BAHD1: variants seen among roughly 807,000 people sequenced by gnomAD.
BAHD1 encodes the protein bromo adjacent homology domain-containing 1 protein.
BAHD1 carries 20 observed loss-of-function variants against 63.1 expected under a neutral mutation model. The observed-to-expected ratio is 0.32, with a 90% CI of 0.22 to 0.46. BAHD1 has a LOEUF of 0.46. Among genes scored for constraint, BAHD1 ranks in the 20% least tolerant of loss-of-function variants. The pLI, the probability that BAHD1 is intolerant of heterozygous loss-of-function variation, is 1.00. For synonymous variants in BAHD1, 408 were observed against 426.8 expected (o/e 0.96, Z 0.54); for missense variants, 939 against 1,071.8 (o/e 0.88, Z 1.73).
chr15:40,458,447 G>A lies in BAHD1; in HGVS notation c.-14-4G>A. The A allele has an allele frequency of 6.5e-7, 1 of 1,548,822 alleles. No individual in the cohort carries two copies. Among genetic ancestry groups the A allele is most frequent in the Non-Finnish European group, 8.7e-7 (1 of 1,144,594 alleles). ...TCTCTCATTGCCCACCTTCTGTCCT[G>A]CAGGTTGGAAGTACTCCATGACACA... On this transcript the variant is annotated splice_region_variant and splice_polypyrimidine_tract_variant and intron_variant, in intron 1 of 6. Transcript: ENST00000416165. This position sits in a 1 kb window ranked among gnomAD's most constrained non-coding sequence, Gnocchi z 4.7.
chr15:40,445,239 A>G (rs1208525722), intron 1 of BAHD1, among the ~76,000 whole-genome samples: 2 of 146,224 alleles, frequency 1.4e-5, no homozygotes, highest in African/African-American at 2.5e-5. Context: ...TAAAAACTAG[A>G]GAGAGCTCCT....
upstream of BAHD1, among the ~76,000 whole-genome samples, chr15:40,437,903 C>T (rs1056728384): frequency 6.6e-6 from 1 of 152,144 alleles, no homozygotes. Context: ...GCCGCGTGGT[C>T]TCTCTGGCCC....
At chr15:40,465,895 T>C (rs1894185850) in intron 6 of BAHD1, 46 bp from the exon 7 acceptor site, 2 of 1,525,172 alleles carry the variant, frequency 1.3e-6, no homozygotes, top group African/African-American at 2.8e-5. Context: ...TTGGTCTTCC[T>C]GCAAAAGTGG....
intron 1 of BAHD1, among the ~76,000 whole-genome samples, chr15:40,452,870 A>C (rs1419681234): frequency 1.3e-5 from 2 of 152,170 alleles, no homozygotes; most frequent in African/African-American, 2.4e-5. Context: ...TGAACCCCCC[A>C]CAACTCACCC....
At chr15:40,438,013 C>T (rs192370641), upstream of BAHD1, among the ~76,000 whole-genome samples, 10 of 152,218 alleles carry the variant, frequency 6.6e-5, no homozygotes, top group East Asian at 1.9e-4. Context: ...GGCAGCAGCC[C>T]GGGAAAGACT....
rs78712442 is a variant in BAHD1, at chr15:40,460,082, G to A, written c.1432+186G>A. 9.6e-3 allele frequency among the ~76,000 whole-genome samples: 1,462 copies of A among 152,248 alleles called. 34 individuals carry two copies. The highest frequency in any genetic ancestry group is 0.034 in the African/African-American group (1,397 of 41,546). On this transcript the variant is annotated intron_variant, in intron 2 of 6. Coordinates refer to ENST00000416165, the MANE Select transcript of BAHD1 (RefSeq NM_014952.5). ...GCCGAGGAGCATTCCCAAGAACAGGGCCCGTATAGCTCTGGACAGCCTTGC... is the reference window on the plus strand; with the variant it reads ...GCCGAGGAGCATTCCCAAGAACAGGACCCGTATAGCTCTGGACAGCCTTGC...
rs1438014582 is a variant in BAHD1 at position 40,443,434 on chromosome 15, A to G, written c.-15+2166A>G. On this transcript the variant is annotated intron_variant, in intron 1 of 6. Transcript: ENST00000416165. ...TCTCAAGGCCTTTGTGCCTTCTGTGAGGCTACACGGCATGTGATTTCTTTT... is the reference window on the plus strand; with the variant it reads ...TCTCAAGGCCTTTGTGCCTTCTGTGGGGCTACACGGCATGTGATTTCTTTT... 1.4e-5 allele frequency: 7 copies of G among 493,106 alleles called. No homozygotes were observed. In the Admixed American group the frequency reaches 4.5e-4, roughly 32 times the overall value. The allele number at this position is 493,106 out of a possible 1,614,324, so 30.5% of individuals were successfully genotyped here.
At chr15:40,457,111 C>A (rs921937938) in intron 1 of BAHD1, among the ~76,000 whole-genome samples, 39 of 152,186 alleles carry the variant, frequency 2.6e-4, no homozygotes, top group African/African-American at 8.9e-4. Context: ...TCTGGGCTTC[C>A]CCCACCTCCT....
intron 1 of BAHD1, chr15:40,453,489 TTCCAAGAGAGAATGCA>T (rs1308693228): frequency 6.6e-6 from 1 of 152,228 alleles, no homozygotes; most frequent in African/African-American, 2.4e-5. Context: ...GGAGGGGTTA[TTCCAAGAGAGAATGCA>T]GAGGAGGACA....
chr15:40,442,463 G>T (rs1326808577), intron 1 of BAHD1, among the ~76,000 whole-genome samples: 1 of 152,196 alleles, frequency 6.6e-6, no homozygotes, highest in African/African-American at 2.4e-5. Flanking sequence ...TGGCGACGGG[G>T]TTGCTACTCA....
intron 1 of BAHD1, among the ~76,000 whole-genome samples, chr15:40,446,792 G>C (rs995033635): frequency 3.3e-5 from 5 of 152,160 alleles, no homozygotes; most frequent in African/African-American, 1.2e-4. Context: ...CTGTCTTTGG[G>C]TAAGGAGGAT....
chr15:40,453,652 C>T (rs1398132080), intron 1 of BAHD1: 1 of 152,178 alleles, frequency 6.6e-6, no homozygotes, highest in Non-Finnish European at 1.5e-5. Flanking sequence ...CCCTCCCTCT[C>T]ATTAAAAATA....
At chr15:40,457,150 A>G (rs1893872734) in intron 1 of BAHD1, among the ~76,000 whole-genome samples, 1 of 152,222 alleles carries the variant, frequency 6.6e-6, no homozygotes, top group Non-Finnish European at 1.5e-5. Context: ...ACAAAGAGGG[A>G]GAACCGAGCA....
Position 40,459,637 on chromosome 15 carries a change from G to T in BAHD1, c.1173G>T (p.Gly391=). The T allele has an allele frequency of 1.9e-6, 3 of 1,614,146 alleles. No individual in the cohort carries two copies. The highest frequency in any genetic ancestry group is 3.3e-4 in the Middle Eastern group (2 of 6,062). Residue 391 remains glycine (G), a synonymous_variant, in exon 2 of 7, where the codon GGG becomes GGT. Transcript: ENST00000416165. ...GTGGCCAAGAGGGGCTGCAGTGTGG[G>T]GGCTACTCGCCCTGCCCCATGCTTC... ...LYCGQEGLQC[G]GYSPCPMLPE... is the part of the protein sequence containing the mutation.
chr15:40,450,544 G>C (rs1893669515), intron 1 of BAHD1, among the ~76,000 whole-genome samples: 1 of 152,246 alleles, frequency 6.6e-6, no homozygotes. Flanking sequence ...TGGTGCATCA[G>C]TAGCACAAGG....
At chr15:40,444,955 C>T (rs1389507942) in intron 1 of BAHD1, among the ~76,000 whole-genome samples, 4 of 151,842 alleles carry the variant, frequency 2.6e-5, no homozygotes, top group African/African-American at 4.8e-5. Flanking sequence ...ACCGCTCCCC[C>T]GTCAATTAAA....
intron 1 of BAHD1, among the ~76,000 whole-genome samples, chr15:40,446,548 T>A (rs1893545305): frequency 6.6e-6 from 1 of 152,234 alleles, no homozygotes; most frequent in African/African-American, 2.4e-5. Context: ...CATTGTCTTT[T>A]AAGATCCTCT....
upstream of BAHD1, among the ~76,000 whole-genome samples, chr15:40,437,876 T>C (rs1294364528): frequency 6.6e-6 from 1 of 152,024 alleles, no homozygotes; most frequent in Non-Finnish European, 1.5e-5. Context: ...TGGTTGTGTG[T>C]GGTGGGGGAA....
chr15:40,445,355 T>C (rs563663290), intron 1 of BAHD1, among the ~76,000 whole-genome samples: 2 of 151,566 alleles, frequency 1.3e-5, no homozygotes, highest in Admixed American at 1.3e-4. Context: ...TTAGTAAACC[T>C]GGAAGGAATT....
Sources: gnomAD v4.1 joint callset for allele counts (sites outside exome capture counted in the v4.1 genomes callset) on GRCh38, gnomAD v4.1.1 for gene constraint, Gnocchi (gnomAD v3.1) non-coding constraint, MANE v1.5 for transcripts, NCBI Gene and HGNC (gene_info 2026-07-23, HGNC 2026-07-21) for gene names.